Variants in EGFR observed in about 807,000 individuals in gnomAD.
The protein encoded by EGFR is epidermal growth factor receptor.
In EGFR, 58 loss-of-function variants were observed where a neutral mutation model predicts 143.0. The observed-to-expected ratio is 0.41, with a 90% CI of 0.33 to 0.50. The LOEUF is 0.50. Among genes scored for constraint, EGFR ranks in the 20% least tolerant of loss-of-function variants. EGFR has a pLI of 0.39. For missense variants in EGFR, 1,307 were observed against 1,579.0 expected (o/e 0.83, Z 2.92); for synonymous variants, 613 against 594.4 (o/e 1.03, Z -0.45).
intron 1 of EGFR, among the ~76,000 whole-genome samples, chr7:55,020,025 G>T (rs1281950589): frequency 1.3e-5 from 2 of 152,220 alleles, no homozygotes; most frequent in Admixed American, 1.3e-4. Flanking sequence ...GTGTGGAGTC[G>T]CAGCCTCGAC....
At chr7:55,170,773 C>T (rs1185703654) in intron 15 of EGFR, 1 of 1,441,414 alleles carries the variant, frequency 6.9e-7, no homozygotes, top group Non-Finnish European at 9.1e-7. Context: ...GCAGGGACTC[C>T]ATGCTGCCAG....
At position 55,209,061 on chromosome 7, in the gene EGFR, G is replaced by C. The variant is rs1770889309; in HGVS notation, c.*3444G>C. 1.3e-5 allele frequency: 2 copies of C among 152,096 alleles called. No individual in the cohort carries two copies. Among genetic ancestry groups the C allele is most frequent in the Admixed American group, 1.3e-4 (2 of 15,274 alleles). The allele number at this position is 152,096 out of a possible 1,614,324, so 9.4% of individuals were successfully genotyped here. The stretch of plus-strand genomic sequence containing the variant: ...ATTGCACTTGTGTAGGATGAAGCTG[G>C]TGGGTGATGGGAACTCAGCACCTCC... On this transcript the variant is annotated 3_prime_UTR_variant, in exon 28 of 28. Transcript: ENST00000275493.
chr7:55,131,580 G>A (rs1321538923), intron 1 of EGFR, among the ~76,000 whole-genome samples: 2 of 152,154 alleles, frequency 1.3e-5, no homozygotes, highest in African/African-American at 4.8e-5. Flanking sequence ...AACCACAGGC[G>A]GGGCGGCTTG....
rs571580424 is a variant in EGFR at position 55,151,592 on chromosome 7, G to A, written c.628+230G>A. 2.4e-4 allele frequency among the ~76,000 whole-genome samples: 36 copies of A among 152,322 alleles called. No homozygotes were observed. In the South Asian group the frequency reaches 7.5e-3, roughly 32 times the overall value. Reference sequence around the variant, plus strand: ...TATCACAAATAAGTGAACATCAGCAGGGGCTGGGCGCGGTGGCTCACCCCT... The same window carrying A: ...TATCACAAATAAGTGAACATCAGCAAGGGCTGGGCGCGGTGGCTCACCCCT... On this transcript the variant is annotated intron_variant, in intron 5 of 27. Coordinates refer to ENST00000275493, the MANE Select transcript of EGFR (RefSeq NM_005228.5).
intron 1 of EGFR, among the ~76,000 whole-genome samples, chr7:55,044,287 T>G (rs2128870810): frequency 6.6e-6 from 1 of 152,350 alleles, no homozygotes; most frequent in Non-Finnish European, 1.5e-5. Flanking sequence ...TTCTTTCTTT[T>G]GGTAGCAGCC....
chr7:55,146,486 G>A, intron 3 of EGFR, 120 bp from the exon 4 acceptor site: 1 of 1,506,942 alleles, frequency 6.6e-7, no homozygotes, highest in Non-Finnish European at 9.0e-7. Flanking sequence ...CTAATTGCGG[G>A]ACTCTTGTTC....
chr7:55,136,323 C>T (rs566503469), intron 1 of EGFR, among the ~76,000 whole-genome samples: 2 of 152,220 alleles, frequency 1.3e-5, no homozygotes, highest in African/African-American at 2.4e-5. Flanking sequence ...TATGACTAAG[C>T]TAGAAATATT....
intron 4 of EGFR, 130 bp from the exon 5 acceptor site, chr7:55,151,164 C>A: frequency 2.1e-6 from 2 of 938,378 alleles, no homozygotes; most frequent in Non-Finnish European, 1.7e-6. Context: ...ACCAGCCAGC[C>A]AAACAATCAG....
At chr7:55,152,324 T>C (rs1785197515) in intron 5 of EGFR, 1 of 740,342 alleles carries the variant, frequency 1.4e-6, no homozygotes, top group South Asian at 1.4e-5. Flanking sequence ...TCTCAAAGTC[T>C]AGACTTGATC....
chr7:55,186,112 C>T (rs1415653566), intron 20 of EGFR, among the ~76,000 whole-genome samples: 1 of 152,182 alleles, frequency 6.6e-6, no homozygotes, highest in African/African-American at 2.4e-5. Flanking sequence ...AGGCCTATTC[C>T]TAGGTGCCAG....
chr7:55,096,644 C>T (rs75017962), intron 1 of EGFR, among the ~76,000 whole-genome samples: 7,502 of 152,224 alleles, frequency 0.049, 633 homozygotes, highest in African/African-American at 0.17. Flanking sequence ...CCCGGCCACG[C>T]AGCCCTGTGG....
chr7:55,134,555 A>G (rs1273407425), intron 1 of EGFR, among the ~76,000 whole-genome samples: 3 of 152,268 alleles, frequency 2.0e-5, no homozygotes, highest in Admixed American at 2.0e-4. Context: ...GTAGGGACTC[A>G]AAATGAAACT....
chr7:55,139,741 A>G (rs1794352777), intron 1 of EGFR, among the ~76,000 whole-genome samples: 1 of 152,208 alleles, frequency 6.6e-6, no homozygotes, highest in African/African-American at 2.4e-5. Flanking sequence ...AACATTCTGC[A>G]TAAGGTCTGT....
intron 1 of EGFR, among the ~76,000 whole-genome samples, chr7:55,030,289 G>A (rs538377740): frequency 1.8e-4 from 27 of 152,144 alleles, no homozygotes; most frequent in Non-Finnish European, 3.4e-4. Context: ...CTCAAAATTT[G>A]TTATACTTCT....
chr7:55,071,531 T>A (rs886171449), intron 1 of EGFR, among the ~76,000 whole-genome samples: 5 of 152,262 alleles, frequency 3.3e-5, no homozygotes, highest in African/African-American at 1.2e-4. Flanking sequence ...CCTCTCCACC[T>A]GCCCTGCCTT....
rs2128958611 is a variant in EGFR, at chr7:55,181,366, T to A, written c.2357T>A (p.Val786Glu). The A allele has an allele frequency of 6.2e-7, 1 of 1,614,220 alleles. No individual in the cohort carries two copies. Among genetic ancestry groups the A allele is most frequent in the Non-Finnish European group, 8.5e-7 (1 of 1,180,030 alleles). Residue 786 changes from valine to glutamate, a missense_variant, in exon 20 of 28, where the codon GTG becomes GAG. Val to Glu is a moderately radical substitution (Grantham distance 121, BLOSUM62 -2). Coordinates refer to ENST00000275493, the MANE Select transcript of EGFR (RefSeq NM_005228.5). ...RLLGICLTST[V>E]QLITQLMPFG... The stretch of plus-strand genomic sequence containing the variant: ...CTGGGCATCTGCCTCACCTCCACCG[T>A]GCAGCTCATCACGCAGCTCATGCCC...
intron 1 of EGFR, among the ~76,000 whole-genome samples, chr7:55,081,260 T>A (rs967268082): frequency 1.3e-5 from 2 of 152,226 alleles, no homozygotes; most frequent in Non-Finnish European, 2.9e-5. Context: ...CAGAAGGAAC[T>A]GTATTGTTTG....
At chr7:55,199,350 T>C (rs1318838162) in intron 23 of EGFR, among the ~76,000 whole-genome samples, 7 of 152,268 alleles carry the variant, frequency 4.6e-5, no homozygotes, top group Non-Finnish European at 8.8e-5. Flanking sequence ...GAGTGTGTAA[T>C]TTGATTGATG....
chr7:55,068,190 G>A (rs752720283), intron 1 of EGFR, among the ~76,000 whole-genome samples: 3 of 152,078 alleles, frequency 2.0e-5, no homozygotes, highest in African/African-American at 4.8e-5. Flanking sequence ...GTTTTGGTTT[G>A]GCTCTTCTGT....
Sources: allele counts gnomAD v4.1 joint callset (sites outside exome capture counted in the v4.1 genomes callset), GRCh38; gene constraint gnomAD v4.1.1; transcripts MANE v1.5; gene names NCBI Gene and HGNC (gene_info 2026-07-23, HGNC 2026-07-21).